Variants in USP38 observed in about 807,000 individuals in gnomAD.
USP38 encodes ubiquitin specific peptidase 38, also known as ubiquitin carboxyl-terminal hydrolase 38.
In USP38, 49 loss-of-function variants were observed where a neutral mutation model predicts 94.3. The observed-to-expected ratio is 0.52, with a 90% CI of 0.41 to 0.66. The LOEUF is 0.66. Ranked by LOEUF, USP38 falls within the 30% of genes least tolerant of loss-of-function variation. The pLI, the probability that USP38 is intolerant of heterozygous loss-of-function variation, is 0.00. For synonymous variants in USP38, 468 were observed against 463.6 expected (o/e 1.01, Z -0.12); for missense variants, 1,128 against 1,229.4 (o/e 0.92, Z 1.23).
intron 6 of USP38, 55 bp from the exon 7 acceptor site, chr4:143,209,509 A>C (rs6822036): frequency 1.8e-6 from 2 of 1,088,354 alleles, no homozygotes; most frequent in African/African-American, 1.7e-5. Context: ...AAAAGCTTTT[A>C]ATAAATGCAT....
intron 7 of USP38, 129 bp from the exon 8 acceptor site, chr4:143,212,189 T>C: frequency 1.7e-6 from 1 of 604,916 alleles, no homozygotes. Flanking sequence ...AGTTGCCACG[T>C]CCGGCACTTT....
intron 9 of USP38, among the ~76,000 whole-genome samples, chr4:143,218,708 G>T (rs1203770997): frequency 6.6e-6 from 1 of 152,016 alleles, no homozygotes; most frequent in Non-Finnish European, 1.5e-5. Flanking sequence ...TGCAAGATTT[G>T]CCATATCTTT....
At chr4:143,198,276 T>C (rs894470489) in intron 4 of USP38, among the ~76,000 whole-genome samples, 2 of 152,202 alleles carry the variant, frequency 1.3e-5, no homozygotes, top group Non-Finnish European at 2.9e-5. Context: ...CACACCAGTC[T>C]TTGCAGGCTT....
chr4:143,222,536 A>G lies in USP38; in HGVS notation c.*2080A>G, dbSNP rs967472943. On this transcript the variant is annotated 3_prime_UTR_variant, in exon 10 of 10. Coordinates refer to ENST00000307017, the MANE Select transcript of USP38 (RefSeq NM_032557.6). ...TTTTATGATATTTATTGGTTTTTTA[A>G]ATTTTCTATCCAAAGTTGTTTGAAT... 6 of 151,916 alleles carry G rather than the reference A, an allele frequency of 3.9e-5. No individual in the cohort carries two copies. The highest frequency in any genetic ancestry group is 8.8e-5 in the Non-Finnish European group (6 of 67,922). The allele number at this position is 151,916 out of a possible 1,614,324, so 9.4% of individuals were successfully genotyped here.
rs1386951008 is a variant in USP38, at chr4:143,223,250, C to T, written c.*2794C>T. The T allele has an allele frequency of 1.3e-5, 2 of 152,092 alleles. No individual in the cohort carries two copies. The highest frequency in any genetic ancestry group is 2.9e-5 in the Non-Finnish European group (2 of 67,982). 9.4% of individuals were successfully genotyped at this position (152,092 alleles called of 1,614,324 possible). ...ATTCAAGCATCTTCCCACTGCCTCT[C>T]TTCCAGCTAAATAATCAGAGAAGCA... On this transcript the variant is annotated 3_prime_UTR_variant, in exon 10 of 10. Coordinates refer to ENST00000307017, the MANE Select transcript of USP38 (RefSeq NM_032557.6).
At chr4:143,205,472 G>A (rs1178478546) in intron 5 of USP38, among the ~76,000 whole-genome samples, 4 of 152,048 alleles carry the variant, frequency 2.6e-5, no homozygotes, top group Admixed American at 2.6e-4. Context: ...TTTCTATATG[G>A]GTAACATGAG....
intron 9 of USP38, among the ~76,000 whole-genome samples, chr4:143,218,692 C>T (rs1468771468): frequency 3.3e-5 from 5 of 152,056 alleles, no homozygotes; most frequent in Admixed American, 6.6e-5. Flanking sequence ...TGTATAAAAA[C>T]GTCTATGCAA....
intron 9 of USP38, among the ~76,000 whole-genome samples, chr4:143,216,902 T>C (rs1460706579): frequency 1.3e-5 from 2 of 151,166 alleles, no homozygotes; most frequent in African/African-American, 4.9e-5. Flanking sequence ...CCTCCACTCC[T>C]GGGTTCAAGC....
rs957445340 is a variant in USP38, at chr4:143,222,146, T to A, written c.*1690T>A. On this transcript the variant is annotated 3_prime_UTR_variant, in exon 10 of 10. Transcript: ENST00000307017. ...TGATTTAATACTTGATAGATTGATA[T>A]TGGGCTAAGATGCTTCTAGGAACTT... 1.3e-5 allele frequency: 2 copies of A among 152,108 alleles called. No individual in the cohort carries two copies. Among genetic ancestry groups the A allele is most frequent in the African/African-American group, 4.8e-5 (2 of 41,454 alleles). 9.4% of individuals were successfully genotyped at this position (152,108 alleles called of 1,614,324 possible).
rs1731777687 is a variant in USP38, at chr4:143,203,584, C to T, written c.1209+18C>T. Reference sequence around the variant, plus strand: ...CAATAAAGGTATGATGATAGTTGTACCAATATTTGTGGAGTTGTGTTATAT... The same window carrying T: ...CAATAAAGGTATGATGATAGTTGTATCAATATTTGTGGAGTTGTGTTATAT... On this transcript the variant is annotated intron_variant, in intron 5 of 9. Coordinates refer to ENST00000307017, the MANE Select transcript of USP38 (RefSeq NM_032557.6). The T allele has an allele frequency of 6.3e-7, 1 of 1,598,028 alleles. No individual in the cohort carries two copies. The highest frequency in any genetic ancestry group is 1.2e-5 in the South Asian group (1 of 86,534).
At chr4:143,195,644 T>A in intron 2 of USP38, 72 bp from the exon 3 acceptor site, 1 of 1,459,218 alleles carries the variant, frequency 6.9e-7, no homozygotes. Context: ...GATTATCTAC[T>A]GTAACTCTTG....
chr4:143,185,161 T>G lies in USP38; in HGVS notation c.-290T>G. On this transcript the variant is annotated 5_prime_UTR_variant, in exon 1 of 10. The change abolishes an upstream ATG in the 5' untranslated region. Coordinates refer to ENST00000307017, the MANE Select transcript of USP38 (RefSeq NM_032557.6). ...GGCCCGACAGGCCCCTCGGCGCTGA[T>G]GCTGAGTGGGATCGAGGGCCCGGGG... 1 of 292,972 alleles carries G rather than the reference T, an allele frequency of 3.4e-6. No homozygotes were observed. Among genetic ancestry groups the G allele is most frequent in the Non-Finnish European group, 6.3e-6 (1 of 157,724 alleles). The allele number at this position is 292,972 out of a possible 1,614,324, so 18.1% of individuals were successfully genotyped here. A position where few individuals can be genotyped will look rare whatever the true frequency, so the allele number is the denominator to read the frequency against.
In USP38 at chr4:143,186,652, C is replaced by G. The variant is rs116048129; in HGVS notation, c.682+520C>G. On this transcript the variant is annotated intron_variant, in intron 1 of 9. Transcript: ENST00000307017. ...TAGTGACATTTTTTGTCTACAGTATCTAGTAGACAAAGGAGGAATACAGAT... is the reference window on the plus strand; with the variant it reads ...TAGTGACATTTTTTGTCTACAGTATGTAGTAGACAAAGGAGGAATACAGAT... Among the ~76,000 whole-genome samples the G allele has an allele frequency of 4.8e-3, 727 of 152,080 alleles. 8 individuals are homozygous for G. Among genetic ancestry groups the G allele is most frequent in the African/African-American group, 0.017 (693 of 41,456 alleles).
At chr4:143,202,265 G>C (rs544803923) in intron 4 of USP38, among the ~76,000 whole-genome samples, 107 of 152,290 alleles carry the variant, frequency 7.0e-4, no homozygotes, top group Non-Finnish European at 1.2e-3. Flanking sequence ...TAATGCAAAA[G>C]CTACAGTGTG....
At chr4:143,200,863 C>G (rs541019654) in intron 4 of USP38, among the ~76,000 whole-genome samples, 4 of 152,104 alleles carry the variant, frequency 2.6e-5, no homozygotes, top group African/African-American at 9.6e-5. Flanking sequence ...AAACAGTGCT[C>G]AAAGAAATCA....
At chr4:143,187,996 G>A (rs766462177) in intron 2 of USP38, 35 bp downstream of exon 2, 79 of 1,569,502 alleles carry the variant, frequency 5.0e-5, no homozygotes, top group Non-Finnish European at 6.6e-5. Context: ...GGTAATTGTA[G>A]ATTTGGGGAA....
Position 143,214,592 on chromosome 4 carries a change from T to A in USP38, c.2616T>A (p.Tyr872Ter). 6.2e-7 allele frequency: 1 copy of A among 1,613,618 alleles called. No individual in the cohort carries two copies. The highest frequency in any genetic ancestry group is 8.5e-7 in the Non-Finnish European group (1 of 1,179,818). Residue 872 changes from tyrosine to a stop codon, truncating the protein, a stop_gained, in exon 9 of 10, where the codon TAT becomes TAA. Coordinates refer to ENST00000307017, the MANE Select transcript of USP38 (RefSeq NM_032557.6). LOFTEE classifies it high-confidence loss of function. ...ARNITSTDSS[Y>*]QMYHQSEALA... Reference sequence around the variant, plus strand: ...ATATCACAAGTACAGACTCTTCATATCAGATGTACCACCAGTCTGAGGCTC... The same window carrying A: ...ATATCACAAGTACAGACTCTTCATAACAGATGTACCACCAGTCTGAGGCTC...
At chr4:143,187,763 TG>T in intron 1 of USP38, 62 bp from the exon 2 acceptor site, 2 of 1,520,622 alleles carry the variant, frequency 1.3e-6, no homozygotes, top group Non-Finnish European at 1.8e-6. Flanking sequence ...TGTAAAGTGT[TG>T]TTCTTTTTAA....
At chr4:143,218,762 A>C (rs957400716) in intron 9 of USP38, among the ~76,000 whole-genome samples, 2 of 152,092 alleles carry the variant, frequency 1.3e-5, no homozygotes, top group African/African-American at 2.4e-5. Context: ...TCTACCTTAC[A>C]TGTTTGTTCA....
Sources: gnomAD v4.1 joint callset for allele counts (sites outside exome capture counted in the v4.1 genomes callset) on GRCh38, gnomAD v4.1.1 for gene constraint, MANE v1.5 for transcripts, NCBI Gene and HGNC (gene_info 2026-07-23, HGNC 2026-07-21) for gene names.